Variants in PDE6B observed in about 807,000 individuals in gnomAD.
The protein encoded by PDE6B is rod cGMP-specific 3',5'-cyclic phosphodiesterase subunit beta.
PDE6B carries 106 observed loss-of-function variants against 109.0 expected under a neutral mutation model. The observed-to-expected ratio is 0.97, with a 90% CI of 0.83 to 1.14. PDE6B has a LOEUF of 1.14. Among genes scored for constraint, PDE6B ranks in the 50% most tolerant of loss-of-function variants. The probability of loss-of-function intolerance (pLI) is 0.00; values close to 1 mark genes in which losing one functional copy is unlikely to be tolerated. For missense variants in PDE6B, 1,193 were observed against 1,155.6 expected (o/e 1.03, Z -0.47); for synonymous variants, 490 against 471.3 (o/e 1.04, Z -0.51).
At chr4:656,107 C>T in intron 7 of PDE6B, 101 bp downstream of exon 7, 1 of 1,017,384 alleles carries the variant, frequency 9.8e-7, no homozygotes, top group Non-Finnish European at 1.6e-6. Context: ...TCCCGGCCAG[C>T]TCCACGTGCC....
intron 8 of PDE6B, among the ~76,000 whole-genome samples, chr4:656,660 A>G (rs1387417270): frequency 7.2e-5 from 11 of 152,098 alleles, no homozygotes; most frequent in Admixed American, 2.6e-4. Flanking sequence ...AACGGCCTCT[A>G]CCTCCTCCGG....
chr4:631,793 G>A (rs1734398626), intron 1 of PDE6B, among the ~76,000 whole-genome samples: 1 of 150,516 alleles, frequency 6.6e-6, no homozygotes, highest in African/African-American at 2.5e-5. Flanking sequence ...GGATTTGTGT[G>A]TGGGACCATC....
intron 3 of PDE6B, among the ~76,000 whole-genome samples, chr4:647,495 C>T (rs533838096): frequency 4.7e-4 from 71 of 152,160 alleles, no homozygotes; most frequent in South Asian, 2.7e-3. Context: ...AGACAGTGGG[C>T]ATTCGTTTCT....
chr4:638,916 C>T (rs1734817381), intron 3 of PDE6B, among the ~76,000 whole-genome samples: 1 of 152,176 alleles, frequency 6.6e-6, no homozygotes, highest in Non-Finnish European at 1.5e-5. Context: ...TTGTGTCTGA[C>T]CCATGCCCAG....
intron 2 of PDE6B, among the ~76,000 whole-genome samples, 185 bp downstream of exon 2, chr4:635,014 T>C (rs1734585406): frequency 8.0e-6 from 1 of 125,172 alleles, no homozygotes; most frequent in Admixed American, 7.6e-5. Flanking sequence ...CCTCCTTACC[T>C]GCCTGCCCGC....
chr4:656,985 G>A lies in PDE6B; in HGVS notation c.1219G>A (p.Gly407Arg), dbSNP rs60635284. 121 of 1,613,278 alleles carry A rather than the reference G, an allele frequency of 7.5e-5. No homozygotes were observed. The East Asian group carries it at 1.1e-3, about 14-fold the overall frequency. ...CGCCACATTTTACAACAGGAAAGACGGGAAGCCCTTTGACGAACAGGACGA... is the reference window on the plus strand; with the variant it reads ...CGCCACATTTTACAACAGGAAAGACAGGAAGCCCTTTGACGAACAGGACGA... The part of the protein sequence containing the change: ...GVATFYNRKD[G>R]KPFDEQDEVL... Residue 407 changes from glycine to arginine, a missense_variant, in exon 9 of 22, where the codon GGG becomes AGG. Gly to Arg is a moderately radical substitution (Grantham distance 125). Coordinates refer to ENST00000496514, the MANE Select transcript of PDE6B (RefSeq NM_000283.4).
intron 11 of PDE6B, 113 bp from the exon 12 acceptor site, chr4:660,354 A>C: frequency 9.3e-7 from 1 of 1,072,866 alleles, no homozygotes; most frequent in Non-Finnish European, 1.4e-6. Context: ...ACATCTCCTC[A>C]GAGATGCCTG....
At position 657,552 on chromosome 4, in the gene PDE6B, C is replaced by A. The variant is rs1577283855; in HGVS notation, c.1401+58C>A. The A allele has an allele frequency of 4.5e-6, 7 of 1,542,926 alleles. No homozygotes were observed. In the East Asian group the frequency reaches 1.6e-4, roughly 35 times the overall value. Reference sequence around the variant, plus strand: ...AGGGGTCACGGCTGTGTGGCAGGGGCAGGTCGTCCAGGGGTCACCCAGGGG... The same window carrying A: ...AGGGGTCACGGCTGTGTGGCAGGGGAAGGTCGTCCAGGGGTCACCCAGGGG... On this transcript the variant is annotated intron_variant, in intron 10 of 21. Coordinates refer to ENST00000496514, the MANE Select transcript of PDE6B (RefSeq NM_000283.4).
chr4:634,376 G>T lies in PDE6B; in HGVS notation c.469-301G>T, dbSNP rs892112456. ...AGGAAGCCCGACGTGGCCGGAGGGC[G>T]GCAGGTGCGTGAGGTGCCAGGCAGG... On this transcript the variant is annotated intron_variant, in intron 1 of 21. Coordinates refer to ENST00000496514, the MANE Select transcript of PDE6B (RefSeq NM_000283.4). 2.0e-5 allele frequency among the ~76,000 whole-genome samples: 3 copies of T among 152,168 alleles called. No individual in the cohort carries two copies. The South Asian group carries it at 6.2e-4, about 31-fold the overall frequency.
At position 633,609 on chromosome 4, in the gene PDE6B, C is replaced by T. The variant is rs754989618; in HGVS notation, c.469-1068C>T. Among the ~76,000 whole-genome samples the T allele has an allele frequency of 6.6e-5, 10 of 152,136 alleles. No individual in the cohort carries two copies. The highest frequency in any genetic ancestry group is 2.2e-4 in the African/African-American group (9 of 41,428). On this transcript the variant is annotated intron_variant, in intron 1 of 21. Transcript: ENST00000496514. The surrounding 1 kb of genome is among the most constrained non-coding windows in gnomAD (Gnocchi z 4.5). ...ATCCCAGGAGCTCCCATTCAGCTGG[C>T]GCAGTGGCTGAGGGCAGAGCCTGTT...
rs554561473 is a variant in PDE6B at position 636,027 on chromosome 4, C to T, written c.711+58C>T. 1.6e-5 allele frequency: 16 copies of T among 995,198 alleles called. No individual in the cohort carries two copies. Among genetic ancestry groups the T allele is most frequent in the East Asian group, 4.8e-5 (2 of 42,068 alleles). The allele number at this position is 995,198 out of a possible 1,614,324, so 61.6% of individuals were successfully genotyped here. ...AGGGCCAGGGTCCCTCCGCCCATCT[C>T]GCTGCCTGCACAGAGGCGGGTGGTG... is the stretch of plus-strand genomic sequence containing the variant. On this transcript the variant is annotated intron_variant, in intron 3 of 21. Transcript: ENST00000496514. This position sits in a 1 kb window ranked among gnomAD's most constrained non-coding sequence, Gnocchi z 4.5.
rs775737936 is a variant in PDE6B at position 663,182 on chromosome 4, G to C, written c.1915G>C (p.Glu639Gln). The change falls in exon 15 of 22, where the codon GAG becomes CAG. Residue 639 changes from glutamate (E) to glutamine (Q), a missense_variant. Glu to Gln is a conservative substitution (Grantham distance 29, BLOSUM62 2). Transcript: ENST00000496514. This position sits in a 1 kb window ranked among gnomAD's most constrained non-coding sequence, Gnocchi z 4.0. ...GGAGTTTGGGAAGTTCCTGCTCTCG[G>C]AGGAGGTTGGTATACTCACCCTCGG... The part of the protein sequence containing the change: ...HLEFGKFLLS[E>Q]ETLNIYQNLN... 4 of 1,584,992 alleles carry C rather than the reference G, an allele frequency of 2.5e-6. No individual in the cohort carries two copies. Among genetic ancestry groups the C allele is most frequent in the Non-Finnish European group, 3.5e-6 (4 of 1,153,474 alleles).
chr4:647,415 G>C (rs1167676566), intron 3 of PDE6B, among the ~76,000 whole-genome samples: 1 of 152,002 alleles, frequency 6.6e-6, no homozygotes, highest in African/African-American at 2.4e-5. Context: ...CCGCGCCCTT[G>C]TTTATGGTTT....
At chr4:657,865 CGGCA>C in intron 10 of PDE6B, among the ~76,000 whole-genome samples, 1 of 83,494 alleles carries the variant, frequency 1.2e-5, no homozygotes, top group Admixed American at 1.3e-4. Context: ...CACGGCTGTG[CGGCA>C]GGGGCAGGTC....
rs1198246370 is a variant in PDE6B at position 625,773 on chromosome 4, C to T, written c.147C>T (p.Asp49=). 2 of 1,613,462 alleles carry T rather than the reference C, an allele frequency of 1.2e-6. No individual in the cohort carries two copies. Among genetic ancestry groups the T allele is most frequent in the Non-Finnish European group, 1.7e-6 (2 of 1,179,932 alleles). Residue 49 remains aspartate, a synonymous_variant, in exon 1 of 22, where the codon GAC becomes GAT. Coordinates refer to ENST00000496514, the MANE Select transcript of PDE6B (RefSeq NM_000283.4). The surrounding 1 kb of genome is among the most constrained non-coding windows in gnomAD (Gnocchi z 5.0). ...CGCCGGACTGCGACAGCCTCCGGGA[C>T]CTCTGCCAGGTGGAGGAGAGCACGG... ...GCPPDCDSLR[D]LCQVEESTAL... is the part of the protein sequence containing the mutation.
intron 3 of PDE6B, chr4:653,273 G>A: frequency 1.9e-6 from 2 of 1,027,220 alleles, no homozygotes; most frequent in Non-Finnish European, 2.3e-6. Context: ...CTGGGTCTGG[G>A]CCTTGACCAA....
intron 11 of PDE6B, among the ~76,000 whole-genome samples, chr4:660,098 C>T (rs1736884045): frequency 6.6e-6 from 1 of 152,058 alleles, no homozygotes. Context: ...CACACCGGTG[C>T]CTTTGTATTC....
At position 663,753 on chromosome 4, in the gene PDE6B, G is replaced by C; in HGVS notation, c.1921-17G>C. 6.2e-7 allele frequency: 1 copy of C among 1,600,658 alleles called. No individual in the cohort carries two copies. The highest frequency in any genetic ancestry group is 8.6e-7 in the Non-Finnish European group (1 of 1,169,208). ...GTGGCCGCAGGGCGCCTGACGCGCT[G>C]GGCATAACCTCCGCAGACCCTGAAC... On this transcript the variant is annotated splice_polypyrimidine_tract_variant and intron_variant, in intron 15 of 21. Coordinates refer to ENST00000496514, the MANE Select transcript of PDE6B (RefSeq NM_000283.4). The surrounding 1 kb of genome is among the most constrained non-coding windows in gnomAD (Gnocchi z 4.0).
Position 626,071 on chromosome 4 carries a change from G to A in PDE6B, c.445G>A (p.Val149Met), listed in dbSNP as rs1734086875. 1.9e-6 allele frequency: 3 copies of A among 1,593,018 alleles called. No individual in the cohort carries two copies. The highest frequency in any genetic ancestry group is 1.7e-5 in the Admixed American group (1 of 57,720). Reference sequence around the variant, plus strand: ...CCACGTGGCTCAGACCAAAAAGATGGTGAACGTCGAGGACGTGGCCGAGGT... The same window carrying A: ...CCACGTGGCTCAGACCAAAAAGATGATGAACGTCGAGGACGTGGCCGAGGT... ...VGHVAQTKKM[V>M]NVEDVAECPH... Residue 149 changes from valine to methionine, a missense_variant, in exon 1 of 22, where the codon GTG becomes ATG. Val to Met is a conservative substitution (Grantham distance 21). Transcript: ENST00000496514. The surrounding 1 kb of genome is among the most constrained non-coding windows in gnomAD (Gnocchi z 4.6).
Sources: allele counts gnomAD v4.1 joint callset (sites outside exome capture counted in the v4.1 genomes callset), GRCh38; gene constraint gnomAD v4.1.1; non-coding constraint Gnocchi (gnomAD v3.1); transcripts MANE v1.5; gene names NCBI Gene and HGNC (gene_info 2026-07-23, HGNC 2026-07-21).